Variants in ZNF317 observed in about 807,000 individuals in gnomAD.
The protein encoded by ZNF317 is zinc finger protein 317, also known as KRAB-containing zinc finger protein 317.
A neutral mutation model predicts 23.4 loss-of-function variants in ZNF317; 17 were observed. The observed-to-expected ratio is 0.73, with a 90% CI of 0.50 to 1.09. The LOEUF is 1.09. Among genes scored for constraint, ZNF317 ranks in the 50% least tolerant of loss-of-function variants. The pLI is 0.00. For missense variants in ZNF317, 679 were observed against 796.7 expected, an observed-to-expected ratio of 0.85 and a Z score of 1.78; for synonymous variants, 317 against 314.9, an observed-to-expected ratio of 1.01 and a Z score of -0.07.
chr19:9,159,552 G>GTTT (rs372250094), intron 6 of ZNF317, among the ~76,000 whole-genome samples: 1 of 134,644 alleles, frequency 7.4e-6, no homozygotes, highest in Non-Finnish European at 1.6e-5. Context: ...TTTGTTTTTT[G>GTTT]TTTTTTTTTT....
In ZNF317 at chr19:9,160,411, G is replaced by C. The variant is rs780575735; in HGVS notation, c.766G>C (p.Gly256Arg). The C allele has an allele frequency of 1.2e-6, 2 of 1,614,192 alleles. No homozygotes were observed. The highest frequency in any genetic ancestry group is 4.5e-5 in the East Asian group (2 of 44,886). ...GEKPYECSDC[G>R]KAFNDPSALR... ...GAAGCCTTACGAGTGCAGCGACTGC[G>C]GGAAAGCCTTCAACGACCCTTCAGC... The change falls in exon 7 of 7, where the codon GGG becomes CGG. Residue 256 changes from glycine to arginine, a missense_variant. Physicochemically the swap from Gly to Arg is moderately radical, Grantham distance 125 (BLOSUM62 -2). Coordinates refer to ENST00000247956, the MANE Select transcript of ZNF317 (RefSeq NM_020933.5). The surrounding 1 kb of genome is among the most constrained non-coding windows in gnomAD (Gnocchi z 6.8).
intron 1 of ZNF317, among the ~76,000 whole-genome samples, chr19:9,143,402 C>A (rs940820183): frequency 6.6e-6 from 1 of 151,940 alleles, no homozygotes; most frequent in Non-Finnish European, 1.5e-5. Context: ...ATGTTTCTTT[C>A]CAGTTTCTTA....
intron 1 of ZNF317, among the ~76,000 whole-genome samples, chr19:9,143,746 T>C (rs28639860): frequency 0.14 from 14,048 of 97,058 alleles, 699 homozygotes; most frequent in African/African-American, 0.18. Context: ...CTGTCCCCCC[T>C]TTTTTTTTTT....
In ZNF317 at chr19:9,156,686, C is replaced by T; in HGVS notation, c.100C>T (p.Gln34Ter). 1 of 1,614,130 alleles carries T rather than the reference C, an allele frequency of 6.2e-7. No homozygotes were observed. Among genetic ancestry groups the T allele is most frequent in the Non-Finnish European group, 8.5e-7 (1 of 1,180,028 alleles). The change falls in exon 3 of 7, where the codon CAG becomes TAG. Residue 34 changes from glutamine to a stop codon, truncating the protein, a stop_gained. Coordinates refer to ENST00000247956, the MANE Select transcript of ZNF317 (RefSeq NM_020933.5). LOFTEE classifies it high-confidence loss of function. ...TTCTTCAAAAGACCATTCCTGTCCC[C>T]AGAATTTGGACCTGTTCGTGTGCAG... ...PVSSKDHSCP[Q>*]NLDLFVCSGL...
At chr19:9,153,294 TGGGATTACA>T (rs2050752680) in intron 1 of ZNF317, among the ~76,000 whole-genome samples, 1 of 151,938 alleles carries the variant, frequency 6.6e-6, no homozygotes, top group Admixed American at 6.6e-5. Context: ...CCCGAGTAGC[TGGGATTACA>T]GGCATGCACC....
In ZNF317 at chr19:9,161,578, A is replaced by G. The variant is rs10445619; in HGVS notation, c.*145A>G. On this transcript the variant is annotated 3_prime_UTR_variant, in exon 7 of 7. Transcript: ENST00000247956. This position sits in a 1 kb window ranked among gnomAD's most constrained non-coding sequence, Gnocchi z 4.0. ...AAGTCCAGTTCCTGTAAAAACTGGG[A>G]AGACGAGGCGTTCTCATCCCATAGG... 83,672 of 1,259,848 alleles carry G rather than the reference A, an allele frequency of 0.066. 2,953 individuals are homozygous for G. Among genetic ancestry groups the G allele is most frequent in the Middle Eastern group, 0.11 (517 of 4,698 alleles). 78.0% of individuals were successfully genotyped at this position (1,259,848 alleles called of 1,614,324 possible).
chr19:9,155,334 G>A (rs1223299938), intron 1 of ZNF317, among the ~76,000 whole-genome samples: 2 of 151,930 alleles, frequency 1.3e-5, no homozygotes, highest in African/African-American at 4.9e-5. Flanking sequence ...TTCAAATTCA[G>A]TGAGTGGAGG....
In ZNF317 at chr19:9,160,155, C is replaced by T; in HGVS notation, c.510C>T (p.His170=). ...GAGAGAAGTCCACTGAATACGCTCA[C>T]TTGTTCGAAGTCTTTGGCATGGACC... ...GLGEKSTEYA[H]LFEVFGMDPH... is the part of the protein sequence containing the mutation. The change falls in exon 7 of 7, where the codon CAC becomes CAT. Residue 170 remains histidine, a synonymous_variant. Coordinates refer to ENST00000247956, the MANE Select transcript of ZNF317 (RefSeq NM_020933.5). The surrounding 1 kb of genome is among the most constrained non-coding windows in gnomAD (Gnocchi z 6.8). 1 of 1,614,208 alleles carries T rather than the reference C, an allele frequency of 6.2e-7. No individual in the cohort carries two copies. The highest frequency in any genetic ancestry group is 8.5e-7 in the Non-Finnish European group (1 of 1,180,048).
intron 1 of ZNF317, among the ~76,000 whole-genome samples, chr19:9,152,190 G>A (rs576668026): frequency 9.2e-5 from 14 of 152,046 alleles, no homozygotes; most frequent in Admixed American, 4.6e-4. Flanking sequence ...ACAGGCGTGA[G>A]CCACCGTGCC....
At chr19:9,157,231 G>C in intron 3 of ZNF317, 37 bp from the exon 4 acceptor site, 5 of 1,609,518 alleles carry the variant, frequency 3.1e-6, no homozygotes, top group Non-Finnish European at 3.4e-6. Flanking sequence ...TCGTTAGGCT[G>C]GTTCCTCGCT....
At chr19:9,140,830 T>G (rs1228414773) in intron 1 of ZNF317, among the ~76,000 whole-genome samples, 4 of 152,044 alleles carry the variant, frequency 2.6e-5, no homozygotes, top group Admixed American at 6.5e-5. Flanking sequence ...TGAAAAGCCC[T>G]AAGTCTCTGG....
rs773962624 is a variant in ZNF317 at position 9,161,477 on chromosome 19, G to C, written c.*44G>C. ...CACAGGATGATTCAGACCGGAAACAGACCTCGTGGGTGTAAGAGGAAGCCT... is the reference window on the plus strand; with the variant it reads ...CACAGGATGATTCAGACCGGAAACACACCTCGTGGGTGTAAGAGGAAGCCT... On this transcript the variant is annotated 3_prime_UTR_variant, in exon 7 of 7. Transcript: ENST00000247956. This position sits in a 1 kb window ranked among gnomAD's most constrained non-coding sequence, Gnocchi z 4.0. The C allele has an allele frequency of 3.7e-5, 58 of 1,563,888 alleles. No individual in the cohort carries two copies. The South Asian group carries it at 6.6e-4, about 18-fold the overall frequency.
intron 5 of ZNF317, 87 bp downstream of exon 5, chr19:9,158,162 C>T: frequency 1.4e-6 from 2 of 1,425,976 alleles, no homozygotes; most frequent in Non-Finnish European, 1.8e-6. Context: ...GGGAGTGTCA[C>T]CCAGGGAAAT....
chr19:9,159,078 C>G (rs2050819317), intron 6 of ZNF317, among the ~76,000 whole-genome samples, 170 bp downstream of exon 6: 1 of 152,240 alleles, frequency 6.6e-6, no homozygotes, highest in Admixed American at 6.5e-5. Context: ...AAGCTAACCT[C>G]AAGCTACTTT....
intron 1 of ZNF317, among the ~76,000 whole-genome samples, chr19:9,147,209 T>C (rs542147138): frequency 7.2e-5 from 11 of 151,856 alleles, no homozygotes; most frequent in African/African-American, 1.9e-4. Context: ...AATAGAAAAA[T>C]AGAACTGCTT....
At chr19:9,151,547 G>C (rs1600225915) in intron 1 of ZNF317, among the ~76,000 whole-genome samples, 1 of 152,076 alleles carries the variant, frequency 6.6e-6, no homozygotes, top group African/African-American at 2.4e-5. Flanking sequence ...GCCAGAGAGA[G>C]GAGGCATGTT....
Position 9,155,954 on chromosome 19 carries a change from A to C in ZNF317, c.-63A>C. The C allele has an allele frequency of 1.9e-4, 296 of 1,596,366 alleles. No individual in the cohort carries two copies. Among genetic ancestry groups the C allele is most frequent in the Non-Finnish European group, 2.3e-4 (270 of 1,163,864 alleles). On this transcript the variant is annotated 5_prime_UTR_variant, in exon 2 of 7. Transcript: ENST00000247956. ...CAGCTTGGAGAGTCACGTGAGAGCA[A>C]GAGAGTAGCTTTCTGGTTGTCCTGG... is the stretch of plus-strand genomic sequence containing the variant.
chr19:9,152,835 A>G (rs1027277297), intron 1 of ZNF317, among the ~76,000 whole-genome samples: 1 of 152,206 alleles, frequency 6.6e-6, no homozygotes, highest in African/African-American at 2.4e-5. Context: ...CCAGTCTCTG[A>G]TGCCAAATTG....
At chr19:9,142,887 TTC>T (rs1487666175) in intron 1 of ZNF317, among the ~76,000 whole-genome samples, 1 of 152,218 alleles carries the variant, frequency 6.6e-6, no homozygotes, top group Non-Finnish European at 1.5e-5. Flanking sequence ...AATGTTCCTT[TTC>T]TGTTTCAGAT....
Sources: gnomAD v4.1 joint callset for allele counts (sites outside exome capture counted in the v4.1 genomes callset) on GRCh38, gnomAD v4.1.1 for gene constraint, Gnocchi (gnomAD v3.1) non-coding constraint, MANE v1.5 for transcripts, NCBI Gene and HGNC (gene_info 2026-07-23, HGNC 2026-07-21) for gene names.